Variants in ZNF773 observed in about 807,000 individuals in gnomAD.
The protein encoded by ZNF773 is zinc finger protein 419B.
In ZNF773, 11 loss-of-function variants were observed where a neutral mutation model predicts 12.8. That is an observed-to-expected ratio of 0.86 (90% CI 0.54 to 1.42). ZNF773 has a LOEUF of 1.42. Among genes scored for constraint, ZNF773 ranks in the 40% most tolerant of loss-of-function variants. ZNF773 has a pLI of 0.00. For synonymous variants in ZNF773, 175 were observed against 178.4 expected (o/e 0.98, Z 0.15); for missense variants, 518 against 527.2 (o/e 0.98, Z 0.17).
At chr19:57,504,109 G>A (rs967383369) in intron 1 of ZNF773, among the ~76,000 whole-genome samples, 7 of 152,190 alleles carry the variant, frequency 4.6e-5, no homozygotes, top group African/African-American at 1.7e-4. Flanking sequence ...CAGTAGAGAG[G>A]CCTTCAAAGT....
downstream of ZNF773, chr19:57,513,574 A>G (rs2089813755): frequency 6.6e-6 from 1 of 152,290 alleles, no homozygotes. Flanking sequence ...GATGTGGGTC[A>G]TTGATATTTC....
chr19:57,503,446 C>G (rs1277190698), intron 1 of ZNF773, among the ~76,000 whole-genome samples: 1 of 152,010 alleles, frequency 6.6e-6, no homozygotes, highest in Non-Finnish European at 1.5e-5. Context: ...GCCAAAGTTC[C>G]TGTGGGGATA....
chr19:57,504,846 C>T (rs1181388555), intron 2 of ZNF773, 60 bp downstream of exon 2: 3 of 1,577,254 alleles, frequency 1.9e-6, no homozygotes, highest in Non-Finnish European at 1.7e-6. Flanking sequence ...CCTCCTTTTC[C>T]TAGGGAGAGG....
downstream of ZNF773, among the ~76,000 whole-genome samples, chr19:57,510,489 A>G (rs1362230256): frequency 6.6e-6 from 1 of 152,206 alleles, no homozygotes; most frequent in South Asian, 2.1e-4. Context: ...AATAACATAA[A>G]TATGTCAACA....
At chr19:57,508,702 A>G, downstream of ZNF773, 1 of 564,488 alleles carries the variant, frequency 1.8e-6, no homozygotes, top group East Asian at 2.8e-5. Flanking sequence ...TATGGAAGTC[A>G]TAGGCCATTC....
chr19:57,516,893 G>A (rs1174565783), downstream of ZNF773: 1 of 152,214 alleles, frequency 6.6e-6, no homozygotes, highest in East Asian at 1.9e-4. Context: ...GGCACTGGTG[G>A]CGAAACTTGA....
chr19:57,510,119 C>A (rs2089783414), downstream of ZNF773, among the ~76,000 whole-genome samples: 2 of 152,128 alleles, frequency 1.3e-5, no homozygotes. Context: ...TGTTGTAAAG[C>A]CTTTTTAAAT....
downstream of ZNF773, among the ~76,000 whole-genome samples, chr19:57,510,532 A>C (rs768582083): frequency 2.0e-5 from 3 of 152,176 alleles, no homozygotes; most frequent in Non-Finnish European, 4.4e-5. Context: ...AAAAAGTCTT[A>C]AGATTGTAAA....
At chr19:57,502,652 C>T (rs12976781) in intron 1 of ZNF773, among the ~76,000 whole-genome samples, 41,761 of 151,934 alleles carry the variant, frequency 0.27, 6,297 homozygotes, top group Middle Eastern at 0.37. Flanking sequence ...TGGCTGTGGA[C>T]GTAGGAGATG....
intron 1 of ZNF773, 56 bp from the exon 2 acceptor site, chr19:57,504,601 A>C: frequency 4.4e-6 from 7 of 1,603,220 alleles, no homozygotes; most frequent in Non-Finnish European, 6.0e-6. Context: ...GTTTAGGGGG[A>C]TGCCTAAATT....
downstream of ZNF773, among the ~76,000 whole-genome samples, chr19:57,510,012 A>C (rs1019381144): frequency 1.3e-5 from 2 of 152,252 alleles, no homozygotes; most frequent in African/African-American, 4.8e-5. Flanking sequence ...AACCACATGA[A>C]TATAGACAGA....
chr19:57,505,178 T>C, intron 2 of ZNF773, 124 bp from the exon 3 acceptor site: 1 of 1,378,766 alleles, frequency 7.3e-7, no homozygotes, highest in South Asian at 1.2e-5. Context: ...GCTGTTTGAC[T>C]GGGTTGTTCC....
chr19:57,510,073 G>A (rs1179408239), downstream of ZNF773, among the ~76,000 whole-genome samples: 3 of 152,100 alleles, frequency 2.0e-5, no homozygotes, highest in African/African-American at 4.8e-5. Context: ...AAATCACCCC[G>A]CTGGGTCTCT....
At chr19:57,510,885 T>C (rs2089788802), downstream of ZNF773, among the ~76,000 whole-genome samples, 3 of 147,048 alleles carry the variant, frequency 2.0e-5, no homozygotes, top group African/African-American at 7.6e-5. Context: ...AGATTTAATA[T>C]TTTTAAGTTG....
downstream of ZNF773, chr19:57,512,966 C>T (rs1568584182): frequency 6.0e-6 from 9 of 1,487,732 alleles, no homozygotes; most frequent in Non-Finnish European, 8.0e-6. Context: ...CCTCTGACCC[C>T]TTCTTTAAAA....
rs2089756201 is a variant in ZNF773 at position 57,507,605 on chromosome 19, C to T, written c.*181C>T. ...ATGGTAAAAGGCCTCAGCCAAAGGC[C>T]TAACCGTATTCAACACCAGAAAGTT... is the stretch of plus-strand genomic sequence containing the variant. On this transcript the variant is annotated 3_prime_UTR_variant, in exon 4 of 4. Coordinates refer to ENST00000282292, the MANE Select transcript of ZNF773 (RefSeq NM_198542.3). The T allele has an allele frequency of 7.1e-7, 1 of 1,409,232 alleles. No individual in the cohort carries two copies. The highest frequency in any genetic ancestry group is 9.2e-7 in the Non-Finnish European group (1 of 1,089,834). The allele number at this position is 1,409,232 out of a possible 1,614,324, so 87.3% of individuals were successfully genotyped here. A position where few individuals can be genotyped will look rare whatever the true frequency, so the allele number is the denominator to read the frequency against.
chr19:57,515,606 G>A (rs923603654), downstream of ZNF773: 2 of 152,180 alleles, frequency 1.3e-5, no homozygotes, highest in Non-Finnish European at 2.9e-5. Flanking sequence ...AGCTGGTCAT[G>A]TCTGATGACA....
chr19:57,513,060 C>T (rs377235876), downstream of ZNF773: 79 of 1,548,228 alleles, frequency 5.1e-5, no homozygotes, highest in Non-Finnish European at 6.3e-5. Flanking sequence ...CGAACAGGGA[C>T]GTGAGTGAAG....
Position 57,507,509 on chromosome 19 carries a change from G to A in ZNF773, c.*85G>A. ...TAAAAAAGTCTTGAAGGTTACTAAT[G>A]GAAATCCATTAGCTATACCTCCAAA... On this transcript the variant is annotated 3_prime_UTR_variant, in exon 4 of 4. Transcript: ENST00000282292. 6.7e-7 allele frequency: 1 copy of A among 1,499,332 alleles called. No individual in the cohort carries two copies. Among genetic ancestry groups the A allele is most frequent in the Non-Finnish European group, 8.9e-7 (1 of 1,129,534 alleles). 92.9% of individuals were successfully genotyped at this position (1,499,332 alleles called of 1,614,324 possible).
Sources: allele counts gnomAD v4.1 joint callset (sites outside exome capture counted in the v4.1 genomes callset), GRCh38; gene constraint gnomAD v4.1.1; transcripts MANE v1.5; gene names NCBI Gene and HGNC (gene_info 2026-07-23, HGNC 2026-07-21).